ZNF678: variants seen among roughly 807,000 people sequenced by gnomAD.
ZNF678 encodes the protein hypothetical protein MGC42493.
Under a neutral mutation model 3.0 loss-of-function variants are expected in ZNF678, and 5 were observed. That is an observed-to-expected ratio of 1.69 (90% confidence interval 0.88 to 3.56). The LOEUF (loss-of-function observed/expected upper bound fraction) is 3.56. ZNF678 is among the 30% of genes most tolerant of loss of function. ZNF678 has a pLI of 0.00. For synonymous variants in ZNF678, 218 were observed against 199.6 expected, an observed-to-expected ratio of 1.09 and a Z score of -0.78; for missense variants, 593 against 605.0, an observed-to-expected ratio of 0.98 and a Z score of 0.21.
intron 1 of ZNF678, among the ~76,000 whole-genome samples, chr1:227,636,979 G>C (rs1658694855): frequency 1.3e-5 from 2 of 152,204 alleles, no homozygotes; most frequent in Admixed American, 6.5e-5. Context: ...GAGCTCAAGT[G>C]AGGGCGATGA....
rs781683521 is a variant in ZNF678, at chr1:227,654,438, A to G, written c.188A>G (p.Asn63Ser). 7 of 1,613,040 alleles carry G rather than the reference A, an allele frequency of 4.3e-6. No homozygotes were observed. The highest frequency in any genetic ancestry group is 5.9e-6 in the Non-Finnish European group (7 of 1,179,432). The change falls in exon 4 of 4, where the codon AAT becomes AGT. Residue 63 changes from asparagine to serine, a missense_variant. Asn to Ser is a conservative substitution (Grantham distance 46). Transcript: ENST00000343776. ...LTRHRSWGLD[N>S]LHLVKDWRTV... ...AGACATAGAAGCTGGGGCCTTGACAATTTGCACTTAGTGAAAGACTGGAGA... is the reference window on the plus strand; with the variant it reads ...AGACATAGAAGCTGGGGCCTTGACAGTTTGCACTTAGTGAAAGACTGGAGA...
At chr1:227,640,382 G>C (rs1558151828) in intron 1 of ZNF678, among the ~76,000 whole-genome samples, 1 of 151,938 alleles carries the variant, frequency 6.6e-6, no homozygotes, top group Non-Finnish European at 1.5e-5. Context: ...AAGAGGTAGG[G>C]ACTGGGAGGG....
In ZNF678 at chr1:227,657,928, T is replaced by C. The variant is rs1571921001; in HGVS notation, c.*2100T>C. On this transcript the variant is annotated 3_prime_UTR_variant, in exon 4 of 4. Coordinates refer to ENST00000343776, the MANE Select transcript of ZNF678 (RefSeq NM_001367909.1). Reference sequence around the variant, plus strand: ...TCAGAATCTTCTCATGCAAATCCTGTTTTTTTCTTGTCTGTTGATCATACT... The same window carrying C: ...TCAGAATCTTCTCATGCAAATCCTGCTTTTTTCTTGTCTGTTGATCATACT... 2.0e-5 allele frequency: 3 copies of C among 151,980 alleles called. No homozygotes were observed. In the East Asian group the frequency reaches 5.8e-4, roughly 29 times the overall value. The allele number at this position is 151,980 out of a possible 1,614,324, so 9.4% of individuals were successfully genotyped here.
intron 3 of ZNF678, among the ~76,000 whole-genome samples, chr1:227,652,208 A>G (rs1010254849): frequency 1.3e-5 from 2 of 152,168 alleles, no homozygotes; most frequent in African/African-American, 4.8e-5. Context: ...CTTAAAGTAT[A>G]CTTTGTGAAA....
In ZNF678 at chr1:227,657,677, C is replaced by T. The variant is rs904139931; in HGVS notation, c.*1849C>T. The T allele has an allele frequency of 6.6e-6, 1 of 151,928 alleles. No individual in the cohort carries two copies. Among genetic ancestry groups the T allele is most frequent in the Admixed American group, 6.6e-5 (1 of 15,228 alleles). The allele number at this position is 151,928 out of a possible 1,614,324, so 9.4% of individuals were successfully genotyped here. A position where few individuals can be genotyped will look rare whatever the true frequency, so the allele number is the denominator to read the frequency against. On this transcript the variant is annotated 3_prime_UTR_variant, in exon 4 of 4. Transcript: ENST00000343776. Reference sequence around the variant, plus strand: ...CATGGAGTTAATTTTATAAGTCTGTCACTCTAAACATAAGTGTTAGCTTTA... The same window carrying T: ...CATGGAGTTAATTTTATAAGTCTGTTACTCTAAACATAAGTGTTAGCTTTA...
At chr1:227,644,687 G>A (rs936828345) in intron 1 of ZNF678, among the ~76,000 whole-genome samples, 1 of 152,182 alleles carries the variant, frequency 6.6e-6, no homozygotes, top group South Asian at 2.1e-4. Context: ...TTAAATTGGG[G>A]CTCAGAATAG....
intron 1 of ZNF678, among the ~76,000 whole-genome samples, chr1:227,637,539 C>A (rs55721361): frequency 0.21 from 31,292 of 152,048 alleles, 3,335 homozygotes; most frequent in East Asian, 0.25. Context: ...GTCCCTTAGA[C>A]TAGGTTAGAA....
At chr1:227,654,307 G>T (rs767275379) in intron 3 of ZNF678, 29 bp from the exon 4 acceptor site, 2 of 1,473,248 alleles carry the variant, frequency 1.4e-6, no homozygotes, top group South Asian at 3.0e-5. Context: ...TTAGTAAGAA[G>T]AATAACTTTT....
chr1:227,599,175 T>C lies in ZNF678; in HGVS notation c.-164+35451T>C, dbSNP rs558472051. The C allele has an allele frequency of 2.6e-5, 31 of 1,185,454 alleles. No individual in the cohort carries two copies. In the South Asian group the frequency reaches 3.8e-4, roughly 14 times the overall value. The allele number at this position is 1,185,454 out of a possible 1,614,324, so 73.4% of individuals were successfully genotyped here. A position where few individuals can be genotyped will look rare whatever the true frequency, so the allele number is the denominator to read the frequency against. On this transcript the variant is annotated intron_variant, in intron 1 of 3. Coordinates refer to ENST00000343776, the MANE Select transcript of ZNF678 (RefSeq NM_001367909.1). Reference sequence around the variant, plus strand: ...CTCCAGTTCTAGAATCATTTTCTTGTTCAAATAACCTTTGTTAAATTTAAC... The same window carrying C: ...CTCCAGTTCTAGAATCATTTTCTTGCTCAAATAACCTTTGTTAAATTTAAC...
downstream of ZNF678, among the ~76,000 whole-genome samples, chr1:227,663,152 T>C (rs1199321438): frequency 4.6e-5 from 7 of 152,128 alleles, no homozygotes; most frequent in Non-Finnish European, 7.4e-5. Context: ...ACCCCAGCCA[T>C]AGCTTGATGT....
intron 1 of ZNF678, among the ~76,000 whole-genome samples, chr1:227,589,825 G>T (rs1657363503): frequency 6.6e-6 from 1 of 151,826 alleles, no homozygotes; most frequent in African/African-American, 2.4e-5. Context: ...TCTGCCTGTG[G>T]ATTTCATTTC....
At chr1:227,573,702 C>CCTATGTAACAAAT (rs1337892694) in intron 1 of ZNF678, among the ~76,000 whole-genome samples, 39 of 96,788 alleles carry the variant, frequency 4.0e-4, no homozygotes, top group African/African-American at 1.7e-3. Flanking sequence ...TTCAGGGGTA[C>CCTATGTAACAAAT]ATGTGCAGGT....
At chr1:227,583,523 A>G (rs998261603) in intron 1 of ZNF678, among the ~76,000 whole-genome samples, 25 of 151,978 alleles carry the variant, frequency 1.6e-4, no homozygotes, top group African/African-American at 6.0e-4. Flanking sequence ...TAACTTTGTC[A>G]GGAGTTCCTT....
chr1:227,597,314 C>G (rs903663155), intron 1 of ZNF678, among the ~76,000 whole-genome samples: 7 of 152,334 alleles, frequency 4.6e-5, no homozygotes, highest in South Asian at 2.1e-4. Context: ...GTTCCTTGCC[C>G]TCATTCCGGT....
chr1:227,568,067 G>A (rs1396988084), intron 1 of ZNF678, among the ~76,000 whole-genome samples: 4 of 152,186 alleles, frequency 2.6e-5, no homozygotes, highest in South Asian at 2.1e-4. Flanking sequence ...GGGGCATAAA[G>A]AGGAATTATT....
intron 1 of ZNF678, among the ~76,000 whole-genome samples, chr1:227,571,042 T>C (rs1656828016): frequency 6.6e-6 from 1 of 152,240 alleles, no homozygotes. Flanking sequence ...TTGTATTTTT[T>C]AAATTTAGAA....
At chr1:227,654,235 A>T in intron 3 of ZNF678, 101 bp from the exon 4 acceptor site, 1 of 938,116 alleles carries the variant, frequency 1.1e-6, no homozygotes, top group Non-Finnish European at 1.5e-6. Context: ...TTATTATGCC[A>T]TCTTGTTAAT....
At chr1:227,565,888 C>G (rs1656670815) in intron 1 of ZNF678, among the ~76,000 whole-genome samples, 1 of 152,220 alleles carries the variant, frequency 6.6e-6, no homozygotes, top group South Asian at 2.1e-4. Context: ...TCCCGAGTAG[C>G]TGGGACTGCA....
chr1:227,641,934 G>A (rs886133654), intron 1 of ZNF678, among the ~76,000 whole-genome samples: 3 of 152,102 alleles, frequency 2.0e-5, no homozygotes, highest in African/African-American at 7.2e-5. Context: ...TTCTCCTGTT[G>A]GAATCTGCAG....
Sources: allele counts gnomAD v4.1 joint callset (sites outside exome capture counted in the v4.1 genomes callset), GRCh38; gene constraint gnomAD v4.1.1; transcripts MANE v1.5; gene names NCBI Gene and HGNC (gene_info 2026-07-23, HGNC 2026-07-21).